The following TRPC4 variants were observed in gnomAD, a reference collection of about 807,000 sequenced individuals.
TRPC4 encodes the protein transient receptor potential cation channel subfamily C member 4.
A neutral mutation model predicts 99.4 loss-of-function variants in TRPC4; 49 were observed. The observed-to-expected ratio is 0.49, with a 90% CI of 0.39 to 0.63. The LOEUF (loss-of-function observed/expected upper bound fraction) is 0.63, where lower values mean the gene tolerates loss of function less well. Ranked by LOEUF, TRPC4 falls within the 20% of genes least tolerant of loss-of-function variation. TRPC4 has a pLI of 0.00. For missense variants in TRPC4, 898 were observed against 1,152.9 expected, an observed-to-expected ratio of 0.78 and a Z score of 3.20; for synonymous variants, 454 against 425.9, an observed-to-expected ratio of 1.07 and a Z score of -0.81.
intron 2 of TRPC4, among the ~76,000 whole-genome samples, chr13:37,761,420 G>A (rs997073923): frequency 6.6e-6 from 1 of 151,832 alleles, no homozygotes; most frequent in Non-Finnish European, 1.5e-5. Flanking sequence ...AGGCAGTTGC[G>A]ACATCGTGGG....
intron 2 of TRPC4, among the ~76,000 whole-genome samples, chr13:37,782,081 C>T (rs1461722745): frequency 6.6e-6 from 1 of 152,052 alleles, no homozygotes; most frequent in Non-Finnish European, 1.5e-5. Context: ...TCTGCAGTGT[C>T]TTTGCAGTTA....
chr13:37,865,854 G>A (rs1959708794), intron 1 of TRPC4, among the ~76,000 whole-genome samples: 1 of 151,586 alleles, frequency 6.6e-6, no homozygotes, highest in Admixed American at 6.6e-5. Flanking sequence ...TCTTTCTCAG[G>A]TTGTTAAAAT....
At chr13:37,729,835 C>A (rs1474499640) in intron 3 of TRPC4, among the ~76,000 whole-genome samples, 2 of 152,044 alleles carry the variant, frequency 1.3e-5, no homozygotes, top group Non-Finnish European at 2.9e-5. Context: ...TATCTATATT[C>A]ATTAAACACT....
In TRPC4 at chr13:37,728,058, A is replaced by T. The variant is rs543058568; in HGVS notation, c.897+17879T>A. Among the ~76,000 whole-genome samples, 22 of 152,202 alleles carry T rather than the reference A, an allele frequency of 1.4e-4. 1 individual carries two copies. Among genetic ancestry groups the T allele is most frequent in the African/African-American group, 5.1e-4 (21 of 41,570 alleles). On this transcript the variant is annotated intron_variant, in intron 3 of 10. Coordinates refer to ENST00000379705, the MANE Select transcript of TRPC4 (RefSeq NM_016179.4). ...GAAATTCTTGCAACAAAGTAAATCC[A>T]CATATGAAAAATCAACAATGGACAT... is the stretch of plus-strand genomic sequence containing the variant.
At chr13:37,638,407 C>A (rs888271728) in intron 10 of TRPC4, among the ~76,000 whole-genome samples, 2 of 152,046 alleles carry the variant, frequency 1.3e-5, no homozygotes, top group Non-Finnish European at 2.9e-5. Context: ...CATGTTCAAA[C>A]CTGCTATTTT....
At chr13:37,825,225 T>G (rs1206371789) in intron 1 of TRPC4, among the ~76,000 whole-genome samples, 1 of 152,106 alleles carries the variant, frequency 6.6e-6, no homozygotes, top group African/African-American at 2.4e-5. Flanking sequence ...AAAAACCAGC[T>G]CCTGGATTCA....
chr13:37,781,076 T>G (rs1956826728), intron 2 of TRPC4, among the ~76,000 whole-genome samples: 1 of 152,044 alleles, frequency 6.6e-6, no homozygotes, highest in Non-Finnish European at 1.5e-5. Context: ...GTTCAGAAGT[T>G]GAACATCTTC....
At chr13:37,844,073 G>A in intron 1 of TRPC4, among the ~76,000 whole-genome samples, 1 of 152,176 alleles carries the variant, frequency 6.6e-6, no homozygotes, top group East Asian at 1.9e-4. Flanking sequence ...CCTTTCAGGA[G>A]ACTGATATCT....
intron 1 of TRPC4, among the ~76,000 whole-genome samples, chr13:37,818,804 G>A (rs756921864): frequency 5.3e-5 from 8 of 152,078 alleles, no homozygotes; most frequent in Non-Finnish European, 8.8e-5. Context: ...CCTGTCAGGG[G>A]ATTGGGGGCC....
At chr13:37,743,928 A>AG (rs1955666635) in intron 3 of TRPC4, among the ~76,000 whole-genome samples, 1 of 152,124 alleles carries the variant, frequency 6.6e-6, no homozygotes, top group African/African-American at 2.4e-5. Context: ...CAATGCCATG[A>AG]CCAAAATGAG....
At chr13:37,758,703 TACTTTTCTTA>T (rs762069137) in intron 2 of TRPC4, among the ~76,000 whole-genome samples, 18 of 151,726 alleles carry the variant, frequency 1.2e-4, no homozygotes, top group Non-Finnish European at 2.4e-4. Flanking sequence ...CAAAAATCTA[TACTTTTCTTA>T]ACATTAGTAA....
chr13:37,729,127 C>T (rs1386252001), intron 3 of TRPC4, among the ~76,000 whole-genome samples: 1 of 152,034 alleles, frequency 6.6e-6, no homozygotes, highest in Non-Finnish European at 1.5e-5. Flanking sequence ...ATTTTTAGAT[C>T]TAACACCAAA....
intron 2 of TRPC4, among the ~76,000 whole-genome samples, chr13:37,763,511 TGTA>T (rs2139251738): frequency 1.3e-5 from 2 of 151,382 alleles, no homozygotes; most frequent in East Asian, 3.9e-4. Context: ...ACCCAGGAAA[TGTA>T]GTAAGATTGC....
intron 1 of TRPC4, among the ~76,000 whole-genome samples, chr13:37,861,377 T>G (rs1959309853): frequency 6.6e-6 from 1 of 151,624 alleles, no homozygotes; most frequent in Non-Finnish European, 1.5e-5. Context: ...CAATTTTCAT[T>G]TTTTAATTAT....
chr13:37,649,048 C>T (rs139067172), intron 8 of TRPC4, among the ~76,000 whole-genome samples: 2 of 151,372 alleles, frequency 1.3e-5, no homozygotes, highest in East Asian at 1.9e-4. Context: ...AATCAAAATA[C>T]TCTTATGAAA....
chr13:37,828,041 G>T (rs921634645), intron 1 of TRPC4, among the ~76,000 whole-genome samples: 1 of 152,186 alleles, frequency 6.6e-6, no homozygotes, highest in Non-Finnish European at 1.5e-5. Flanking sequence ...TTTTCCAGGT[G>T]CCGTCCGTCA....
chr13:37,703,967 C>T (rs1325808798), intron 3 of TRPC4, among the ~76,000 whole-genome samples: 1 of 152,096 alleles, frequency 6.6e-6, no homozygotes, highest in Admixed American at 6.6e-5. Flanking sequence ...CAAATGTCCA[C>T]CAACCCAGGA....
intron 1 of TRPC4, among the ~76,000 whole-genome samples, chr13:37,821,511 C>A (rs989128224): frequency 6.6e-6 from 1 of 151,980 alleles, no homozygotes; most frequent in Admixed American, 6.6e-5. Context: ...CCAAGGAAAT[C>A]CTAAGCAAAA....
chr13:37,719,856 G>A (rs1249274000), intron 3 of TRPC4, among the ~76,000 whole-genome samples: 1 of 147,358 alleles, frequency 6.8e-6, no homozygotes, highest in Non-Finnish European at 1.5e-5. Flanking sequence ...ATGGAATTAA[G>A]GTTGCTAATC....
Sources: gnomAD v4.1 joint callset for allele counts (sites outside exome capture counted in the v4.1 genomes callset) on GRCh38, gnomAD v4.1.1 for gene constraint, MANE v1.5 for transcripts, NCBI Gene and HGNC (gene_info 2026-07-23, HGNC 2026-07-21) for gene names.